VWA2: variants seen among roughly 807,000 people sequenced by gnomAD.
VWA2 encodes the protein von Willebrand factor A domain-containing protein 2.
Under a neutral mutation model 70.4 loss-of-function variants are expected in VWA2, and 73 were observed. The ratio of observed to expected loss-of-function variants is 1.04; its 90% CI spans 0.86 to 1.26. The LOEUF is 1.26. Ranked by LOEUF, VWA2 falls within the 50% of genes most tolerant of loss-of-function variation. The pLI is 0.00. For synonymous variants in VWA2, 407 were observed against 423.3 expected, an observed-to-expected ratio of 0.96 and a Z score of 0.47; for missense variants, 1,011 against 998.5, an observed-to-expected ratio of 1.01 and a Z score of -0.17.
chr10:114,253,749 C>T lies in VWA2; in HGVS notation c.127+24C>T, dbSNP rs772345216. 6.2e-6 allele frequency: 10 copies of T among 1,604,370 alleles called. No homozygotes were observed. In the South Asian group the frequency reaches 9.9e-5, roughly 16 times the overall value. ...AAGTAAGCCCAGGTTCTTCTTAACC[C>T]TCCAGATGCCCACTCAGACCTCTGT... is the stretch of plus-strand genomic sequence containing the variant. On this transcript the variant is annotated intron_variant, in intron 3 of 13. Transcript: ENST00000392982.
In VWA2 at chr10:114,239,543, C is replaced by G. The variant is rs1259785049; in HGVS notation, c.-37C>G. 1 of 152,190 alleles carries G rather than the reference C, an allele frequency of 6.6e-6. No individual in the cohort carries two copies. Among genetic ancestry groups the G allele is most frequent in the Admixed American group, 6.5e-5 (1 of 15,288 alleles). The allele number at this position is 152,190 out of a possible 1,614,324, so 9.4% of individuals were successfully genotyped here. A position where few individuals can be genotyped will look rare whatever the true frequency, so the allele number is the denominator to read the frequency against. On this transcript the variant is annotated 5_prime_UTR_variant, in exon 1 of 14. Coordinates refer to ENST00000392982, the MANE Select transcript of VWA2 (RefSeq NM_001272046.2). ...TCTGTGAGTAGAGCCGCCCGGGCAC[C>G]GAGCGCTGGTCGCCGCTCTCCTTCC...
chr10:114,252,149 C>T (rs933097374), intron 2 of VWA2, among the ~76,000 whole-genome samples: 11 of 152,200 alleles, frequency 7.2e-5, no homozygotes, highest in African/African-American at 2.6e-4. Context: ...CCAATAAATG[C>T]CATTTTTTAA....
chr10:114,289,580 T>G, intron 12 of VWA2, 91 bp downstream of exon 12: 4 of 1,465,070 alleles, frequency 2.7e-6, no homozygotes, highest in African/African-American at 1.4e-5. Context: ...ATGGCAGCTC[T>G]TCCCAGCTAC....
chr10:114,261,034 C>A (rs919571785), intron 4 of VWA2, 152 bp from the exon 5 acceptor site: 1 of 580,258 alleles, frequency 1.7e-6, no homozygotes, highest in Non-Finnish European at 3.1e-6. Flanking sequence ...GTCTTTGGAA[C>A]CTCCTTCTAG....
rs2133587921 is a variant in VWA2 at position 114,286,472 on chromosome 10, C to T, written c.1531C>T (p.Pro511Ser). 6.3e-7 allele frequency: 1 copy of T among 1,597,034 alleles called. No homozygotes were observed. The highest frequency in any genetic ancestry group is 8.6e-7 in the Non-Finnish European group (1 of 1,168,764). Residue 511 changes from proline (P) to serine (S), a missense_variant, in exon 11 of 14, where the codon CCT becomes TCT. Transcript: ENST00000392982. ...SDPQDLFNQI[P>S]ELQGKLCSRQ... ...TCCTCAGGATCTGTTCAACCAAATC[C>T]CTGAGCTGCAGGGGAAGCTGTGCAG...
rs746639187 is a variant in VWA2 at position 114,289,428 on chromosome 10, C to T, written c.2061C>T (p.His687=). ...RLAGPRDSLI[H]VAAYADLRYH... ...CAGGTCCCCGGGATTCCCTGATCCA[C>T]GTGGCAGCTTACGCCGACCTGCGGT... is the stretch of plus-strand genomic sequence containing the variant. The change falls in exon 12 of 14, where the codon CAC becomes CAT. Residue 687 remains histidine (H), a synonymous_variant. Transcript: ENST00000392982. 6.2e-6 allele frequency: 10 copies of T among 1,614,048 alleles called. No homozygotes were observed. Among genetic ancestry groups the T allele is most frequent in the East Asian group, 2.2e-5 (1 of 44,872 alleles).
chr10:114,265,561 C>G (rs940768314), intron 5 of VWA2, among the ~76,000 whole-genome samples: 3 of 152,198 alleles, frequency 2.0e-5, no homozygotes, highest in Non-Finnish European at 4.4e-5. Flanking sequence ...ACTGCCAATC[C>G]AATAGGCCCC....
chr10:114,239,861 G>T (rs905216317), intron 1 of VWA2, among the ~76,000 whole-genome samples: 3 of 152,236 alleles, frequency 2.0e-5, no homozygotes, highest in African/African-American at 7.2e-5. Flanking sequence ...TGGGAGGGGT[G>T]CGGTCAGCAG....
At chr10:114,282,696 G>A in intron 9 of VWA2, 125 bp downstream of exon 9, 1 of 751,024 alleles carries the variant, frequency 1.3e-6, no homozygotes, top group South Asian at 1.5e-5. Context: ...CAGAGGGATG[G>A]GGCACTTGGG....
intron 11 of VWA2, 34 bp from the exon 12 acceptor site, chr10:114,288,904 T>TG (rs759962614): frequency 1.9e-6 from 3 of 1,571,016 alleles, no homozygotes; most frequent in Non-Finnish European, 2.6e-6. Flanking sequence ...GACTGGCACA[T>TG]CCACTGCTGA....
chr10:114,278,690 G>T (rs559472420), intron 7 of VWA2, 29 bp from the exon 8 acceptor site: 2 of 1,611,364 alleles, frequency 1.2e-6, no homozygotes, highest in East Asian at 2.2e-5. Context: ...TGTCTCCTCC[G>T]TGGGTGTGGG....
At chr10:114,258,743 T>A (rs2037382202) in intron 4 of VWA2, among the ~76,000 whole-genome samples, 1 of 152,224 alleles carries the variant, frequency 6.6e-6, no homozygotes, top group Admixed American at 6.5e-5. Context: ...CCTCAACTTG[T>A]GTTCTTGAGT....
chr10:114,241,442 T>C (rs764902943), intron 1 of VWA2, among the ~76,000 whole-genome samples: 2 of 152,246 alleles, frequency 1.3e-5, no homozygotes, highest in Non-Finnish European at 2.9e-5. Flanking sequence ...GAATGTCTTA[T>C]GATTGGAATC....
intron 3 of VWA2, 101 bp downstream of exon 3, chr10:114,253,826 C>T: frequency 2.6e-6 from 3 of 1,143,110 alleles, no homozygotes; most frequent in African/African-American, 1.6e-5. Flanking sequence ...TGCCCCTTTC[C>T]CATCTTCCTT....
rs377442929 is a variant in VWA2 at position 114,285,961 on chromosome 10, C to G, written c.1020C>G (p.Cys340Trp). ...ANCALKLSLE[C>W]RVDLLFLLDS... ...CAGCCCTGAAGCTGAGCCTGGAATG[C>G]AGGGTCGACCTCCTCTTCCTGCTGG... The change falls in exon 11 of 14, where the codon TGC (cysteine) becomes TGG (tryptophan). Residue 340 changes from cysteine to tryptophan, a missense_variant. By Grantham distance (215) the Cys-to-Trp change is radical. Coordinates refer to ENST00000392982, the MANE Select transcript of VWA2 (RefSeq NM_001272046.2). 6.2e-7 allele frequency: 1 copy of G among 1,603,940 alleles called. No homozygotes were observed. Among genetic ancestry groups the G allele is most frequent in the Non-Finnish European group, 8.5e-7 (1 of 1,173,154 alleles).
intron 4 of VWA2, among the ~76,000 whole-genome samples, chr10:114,260,614 G>A (rs2037425096): frequency 6.6e-6 from 1 of 152,200 alleles, no homozygotes; most frequent in South Asian, 2.1e-4. Flanking sequence ...GCTGGCTTGT[G>A]TGGGCTGCTG....
intron 8 of VWA2, chr10:114,281,630 T>TG: frequency 1.7e-6 from 1 of 583,520 alleles, no homozygotes; most frequent in Non-Finnish European, 2.2e-6. Flanking sequence ...GTGGCTTACA[T>TG]GTCTTGACCT....
chr10:114,251,081 C>A (rs143752904), intron 2 of VWA2, among the ~76,000 whole-genome samples: 75 of 152,366 alleles, frequency 4.9e-4, no homozygotes, highest in African/African-American at 1.7e-3. Flanking sequence ...TACAAAAGTT[C>A]TCTCTAAGAC....
chr10:114,253,526 A>G, intron 2 of VWA2, 125 bp from the exon 3 acceptor site: 1 of 798,028 alleles, frequency 1.3e-6, no homozygotes, highest in Non-Finnish European at 2.0e-6. Flanking sequence ...AGATGCAAGA[A>G]TCATCACTCC....
Sources: gnomAD v4.1 joint callset for allele counts (sites outside exome capture counted in the v4.1 genomes callset) on GRCh38, gnomAD v4.1.1 for gene constraint, MANE v1.5 for transcripts, NCBI Gene and HGNC (gene_info 2026-07-23, HGNC 2026-07-21) for gene names.